The following TBL2 variants were observed in gnomAD, a reference collection of about 807,000 sequenced individuals.
The protein encoded by TBL2 is transducin beta like 2.
A neutral mutation model predicts 41.8 loss-of-function variants in TBL2; 33 were observed. The observed-to-expected ratio is 0.79, with a 90% CI of 0.60 to 1.06. The LOEUF is 1.06. TBL2 is among the 50% of genes least tolerant of loss of function. The probability of loss-of-function intolerance (pLI) is 0.00; values close to 1 mark genes in which losing one functional copy is unlikely to be tolerated. For synonymous variants in TBL2, 239 were observed against 241.7 expected, an observed-to-expected ratio of 0.99 and a Z score of 0.10; for missense variants, 522 against 603.8, an observed-to-expected ratio of 0.86 and a Z score of 1.42.
In TBL2 at chr7:73,570,347, A is replaced by T; in HGVS notation, c.*160T>A. 7.8e-7 allele frequency: 1 copy of T among 1,280,642 alleles called. No homozygotes were observed. The highest frequency in any genetic ancestry group is 1.0e-6 in the Non-Finnish European group (1 of 970,600). The allele number at this position is 1,280,642 out of a possible 1,614,324, so 79.3% of individuals were successfully genotyped here. A position where few individuals can be genotyped will look rare whatever the true frequency, so the allele number is the denominator to read the frequency against. ...ACAGCCAGCAAGAAGAGAGAGACCTAAGTAGACAAGAGTAGTTTCAATGGG... is the reference window on the plus strand; with the variant it reads ...ACAGCCAGCAAGAAGAGAGAGACCTTAGTAGACAAGAGTAGTTTCAATGGG... On this transcript the variant is annotated 3_prime_UTR_variant, in exon 7 of 7. Coordinates refer to ENST00000305632, the MANE Select transcript of TBL2 (RefSeq NM_012453.4).
intron 5 of TBL2, chr7:73,571,734 C>A (rs1792967899): frequency 5.5e-6 from 1 of 181,904 alleles, no homozygotes; most frequent in Admixed American, 5.7e-5. Flanking sequence ...TGCACTCCAG[C>A]CTGGGCAACA....
rs782216946 is a variant in TBL2, at chr7:73,572,838, G to C, written c.725+6C>G. 5 of 1,613,786 alleles carry C rather than the reference G, an allele frequency of 3.1e-6. No homozygotes were observed. The highest frequency in any genetic ancestry group is 4.2e-6 in the Non-Finnish European group (5 of 1,179,906). ...GTCCCAGACGCCAATACCCCTCCTT[G>C]CCCACCTGCCACAGGGAGATACAGC... On this transcript the variant is annotated splice_donor_region_variant and intron_variant, in intron 5 of 6. Coordinates refer to ENST00000305632, the MANE Select transcript of TBL2 (RefSeq NM_012453.4).
At chr7:73,572,820 A>G (rs1793043382) in intron 5 of TBL2, 24 bp downstream of exon 5, 1 of 1,613,760 alleles carries the variant, frequency 6.2e-7, no homozygotes, top group South Asian at 1.1e-5. Context: ...GTGGTCCCAG[A>G]CGCCAATACC....
chr7:73,575,220 G>A (rs1554588706), intron 1 of TBL2, among the ~76,000 whole-genome samples: 1 of 151,778 alleles, frequency 6.6e-6, no homozygotes, highest in African/African-American at 2.4e-5. Context: ...CTGCCTCCCA[G>A]GTTCAAGCAA....
intron 1 of TBL2, among the ~76,000 whole-genome samples, chr7:73,576,075 A>G (rs1415400166): frequency 6.6e-6 from 1 of 151,378 alleles, no homozygotes; most frequent in Non-Finnish European, 1.5e-5. Flanking sequence ...GGGAGATTGA[A>G]TTGGATGAGA....
Position 73,570,936 on chromosome 7 carries a change from C to G in TBL2, c.915G>C (p.Leu305=). 6.2e-7 allele frequency: 1 copy of G among 1,611,842 alleles called. No individual in the cohort carries two copies. The highest frequency in any genetic ancestry group is 1.7e-5 in the Admixed American group (1 of 59,728). Residue 305 remains leucine (L), a synonymous_variant, in exon 7 of 7, where the codon CTG becomes CTC. Transcript: ENST00000305632. ...ASVSKDGTWK[L]WDTDVEYKKK... ...TCTTGTATTCCACATCTGTGTCCCA[C>G]AGTTTCCATGTACCATCCTTGGAGA...
intron 6 of TBL2, 58 bp downstream of exon 6, chr7:73,571,131 C>T: frequency 6.2e-7 from 1 of 1,609,340 alleles, no homozygotes; most frequent in Non-Finnish European, 8.5e-7. Context: ...ACAGAAGGAC[C>T]CTGGTTGTCA....
Position 73,568,802 on chromosome 7 carries a change from C to T in TBL2, c.*1705G>A, listed in dbSNP as rs1308553967. 6.6e-6 allele frequency: 1 copy of T among 152,148 alleles called. No homozygotes were observed. Among genetic ancestry groups the T allele is most frequent in the Non-Finnish European group, 1.5e-5 (1 of 68,068 alleles). The allele number at this position is 152,148 out of a possible 1,614,324, so 9.4% of individuals were successfully genotyped here. ...ATTAGCCAGGCGTGGTGGCACATGCCTGTAATCCCAGCTACTCTGGAGGCT... is the reference window on the plus strand; with the variant it reads ...ATTAGCCAGGCGTGGTGGCACATGCTTGTAATCCCAGCTACTCTGGAGGCT... On this transcript the variant is annotated 3_prime_UTR_variant, in exon 7 of 7. Coordinates refer to ENST00000305632, the MANE Select transcript of TBL2 (RefSeq NM_012453.4).
In TBL2 at chr7:73,572,977, G is replaced by T; in HGVS notation, c.599-7C>A. ...GCAGTCATGATAAACTTCCCTGAGC[G>T]GGAAGGGAGTGATGTGGGTCACGGG... On this transcript the variant is annotated splice_region_variant and splice_polypyrimidine_tract_variant and intron_variant, in intron 4 of 6. Transcript: ENST00000305632. 1 of 1,614,116 alleles carries T rather than the reference G, an allele frequency of 6.2e-7. No homozygotes were observed. Among genetic ancestry groups the T allele is most frequent in the Non-Finnish European group, 8.5e-7 (1 of 1,180,008 alleles).
chr7:73,577,261 CT>C (rs1310405505), intron 1 of TBL2, among the ~76,000 whole-genome samples: 11,230 of 113,374 alleles, frequency 0.099, 479 homozygotes, highest in African/African-American at 0.13. Context: ...CTCCGTCCCC[CT>C]GCAAAAAAAA....
Position 73,570,288 on chromosome 7 carries a change from G to A in TBL2, c.*219C>T, listed in dbSNP as rs1455935753. The stretch of plus-strand genomic sequence containing the variant: ...TTCCACCCACTGGGCCTGGGAGGAA[G>A]AAAAGCACCTTGGCCACTAGTCAGG... On this transcript the variant is annotated 3_prime_UTR_variant, in exon 7 of 7. Coordinates refer to ENST00000305632, the MANE Select transcript of TBL2 (RefSeq NM_012453.4). 6.7e-6 allele frequency: 5 copies of A among 741,706 alleles called. No individual in the cohort carries two copies. The highest frequency in any genetic ancestry group is 9.9e-6 in the Non-Finnish European group (5 of 502,944). 45.9% of individuals were successfully genotyped at this position (741,706 alleles called of 1,614,324 possible).
At chr7:73,576,892 T>G in intron 1 of TBL2, 1 of 358,732 alleles carries the variant, frequency 2.8e-6, no homozygotes, top group South Asian at 2.1e-5. Context: ...AACCATCCTT[T>G]GAGACCCCAC....
chr7:73,576,865 G>T, intron 1 of TBL2: 1 of 371,278 alleles, frequency 2.7e-6, no homozygotes, highest in Non-Finnish European at 5.4e-6. Context: ...TGGCCTTCTG[G>T]CAAACTCTTC....
Position 73,569,611 on chromosome 7 carries a change from G to A in TBL2, c.*896C>T, listed in dbSNP as rs563580296. The A allele has an allele frequency of 2.0e-5, 3 of 152,118 alleles. No homozygotes were observed. The highest frequency in any genetic ancestry group is 2.9e-5 in the Non-Finnish European group (2 of 68,014). The allele number at this position is 152,118 out of a possible 1,614,324, so 9.4% of individuals were successfully genotyped here. A position where few individuals can be genotyped will look rare whatever the true frequency, so the allele number is the denominator to read the frequency against. ...AAACTAACACAAAGCACTTAATAAGGGTGTATCTCTCTCTCCCACCAGCCA... is the reference window on the plus strand; with the variant it reads ...AAACTAACACAAAGCACTTAATAAGAGTGTATCTCTCTCTCCCACCAGCCA... On this transcript the variant is annotated 3_prime_UTR_variant, in exon 7 of 7. Coordinates refer to ENST00000305632, the MANE Select transcript of TBL2 (RefSeq NM_012453.4).
Position 73,578,574 on chromosome 7 carries a change from GC to G in TBL2, c.-26del. ...TGTTGGTGGAACCACTGCCACCTCA[GC>G]TAGTGAGTACGCGGGCGCCCGCACG... is the stretch of plus-strand genomic sequence containing the variant. On this transcript the variant is annotated 5_prime_UTR_variant, in exon 1 of 7. Transcript: ENST00000305632. The G allele has an allele frequency of 6.3e-7, 1 of 1,578,516 alleles. No individual in the cohort carries two copies. The highest frequency in any genetic ancestry group is 8.6e-7 in the Non-Finnish European group (1 of 1,164,900).
Position 73,571,319 on chromosome 7 carries a change from T to G in TBL2, c.748A>C (p.Thr250Pro). The G allele has an allele frequency of 6.2e-7, 1 of 1,614,134 alleles. No individual in the cohort carries two copies. The highest frequency in any genetic ancestry group is 1.7e-5 in the Admixed American group (1 of 60,016). Reference protein sequence around the residue: ...CGRFVASCGFTPDVKVWEVCF... With the variant: ...CGRFVASCGFPPDVKVWEVCF... The stretch of plus-strand genomic sequence containing the variant: ...ACTTCCCAAACCTTCACATCTGGGG[T>G]GAAGCCACACGAGGCTACAAATCTG... Residue 250 changes from threonine to proline, a missense_variant, in exon 6 of 7, where the codon ACC (threonine) becomes CCC (proline). By Grantham distance (38) the Thr-to-Pro change is conservative (BLOSUM62 -1). Transcript: ENST00000305632.
At chr7:73,576,642 G>A (rs1426814377) in intron 1 of TBL2, 2 of 456,436 alleles carry the variant, frequency 4.4e-6, no homozygotes, top group Non-Finnish European at 8.8e-6. Context: ...TCACAAAGCT[G>A]GCATGTGGTA....
In TBL2 at chr7:73,568,033, C is replaced by A. The variant is rs375250550; in HGVS notation, c.*2474G>T. The stretch of plus-strand genomic sequence containing the variant: ...AAGTGTTTTAGTCTCATTCTTCTGA[C>A]AATTGCCAAGGAAATACTCCTCAGG... On this transcript the variant is annotated 3_prime_UTR_variant, in exon 7 of 7. Coordinates refer to ENST00000305632, the MANE Select transcript of TBL2 (RefSeq NM_012453.4). Among the ~76,000 whole-genome samples, 148 of 152,280 alleles carry A rather than the reference C, an allele frequency of 9.7e-4. No individual in the cohort carries two copies. Among genetic ancestry groups the A allele is most frequent in the African/African-American group, 3.4e-3 (143 of 41,560 alleles).
intron 4 of TBL2, 77 bp downstream of exon 4, chr7:73,573,243 C>T: frequency 6.4e-7 from 1 of 1,574,714 alleles, no homozygotes; most frequent in South Asian, 1.2e-5. Flanking sequence ...TTTCAGGCAG[C>T]ATTAACTCAT....
Sources: gnomAD v4.1 joint callset for allele counts (sites outside exome capture counted in the v4.1 genomes callset) on GRCh38, gnomAD v4.1.1 for gene constraint, MANE v1.5 for transcripts, NCBI Gene and HGNC (gene_info 2026-07-23, HGNC 2026-07-21) for gene names.